The following TOGARAM2 variants were observed in gnomAD, a reference collection of about 807,000 sequenced individuals.
TOGARAM2 encodes TOG array regulator of axonemal microtubules protein 2.
TOGARAM2 carries 85 observed loss-of-function variants against 93.3 expected under a neutral mutation model. That is an observed-to-expected ratio of 0.91 (90% CI 0.76 to 1.09). The LOEUF is 1.09. Ranked by LOEUF, TOGARAM2 falls within the 50% of genes least tolerant of loss-of-function variation. The pLI is 0.00. For missense variants in TOGARAM2, 1,277 were observed against 1,334.5 expected (o/e 0.96, Z 0.67); for synonymous variants, 593 against 552.8 (o/e 1.07, Z -1.02).
chr2:29,035,632 G>A lies in TOGARAM2; in HGVS notation c.2394G>A (p.Glu798=). ...TGGAGCTCTGCAAGGCCAAGACGGA[G>A]CTTGTCACTGCCCACCTGGTCCAGG... ...QLLELCKAKT[E]LVTAHLVQVF... is the part of the protein sequence containing the mutation. The change falls in exon 17 of 20, where the codon GAG becomes GAA. Residue 798 remains glutamate, a synonymous_variant. Coordinates refer to ENST00000379558, the MANE Select transcript of TOGARAM2 (RefSeq NM_199280.4). The A allele has an allele frequency of 1.3e-6, 2 of 1,523,630 alleles. No homozygotes were observed. The highest frequency in any genetic ancestry group is 1.8e-6 in the Non-Finnish European group (2 of 1,132,850). 94.4% of individuals were successfully genotyped at this position (1,523,630 alleles called of 1,614,324 possible). A position where few individuals can be genotyped will look rare whatever the true frequency, so the allele number is the denominator to read the frequency against.
At chr2:29,045,926 G>T (rs1666716069) in intron 19 of TOGARAM2, 1 of 170,866 alleles carries the variant, frequency 5.9e-6, no homozygotes, top group Non-Finnish European at 1.3e-5. Context: ...GAGTACCTTT[G>T]TGTGAGTCAG....
chr2:29,009,736 G>T (rs952757598), intron 6 of TOGARAM2, among the ~76,000 whole-genome samples: 2 of 152,162 alleles, frequency 1.3e-5, no homozygotes, highest in African/African-American at 4.8e-5. Flanking sequence ...TTGGGTTGGA[G>T]CCGGGAGGGG....
intron 1 of TOGARAM2, among the ~76,000 whole-genome samples, chr2:28,983,694 T>A (rs1228132881): frequency 2.0e-5 from 3 of 152,168 alleles, no homozygotes; most frequent in Admixed American, 1.3e-4. Flanking sequence ...TGCTGAACAT[T>A]AGGTTTGTGC....
rs559308954 is a variant in TOGARAM2, at chr2:28,959,053, T to G, written c.-147+2356T>G. Among the ~76,000 whole-genome samples the G allele has an allele frequency of 5.2e-4, 79 of 152,304 alleles. 1 individual carries two copies. Among genetic ancestry groups the G allele is most frequent in the African/African-American group, 1.9e-3 (77 of 41,576 alleles). On this transcript the variant is annotated intron_variant, in intron 1 of 6. Transcript: ENST00000401723. ...GATGAGAGGGGCCTGGAGGGAATCC[T>G]GATGGGAGGAGATCGAGTCTCCAGG...
At chr2:29,006,483 CAT>C (rs914009775) in intron 6 of TOGARAM2, among the ~76,000 whole-genome samples, 1 of 151,638 alleles carries the variant, frequency 6.6e-6, no homozygotes, top group Non-Finnish European at 1.5e-5. Flanking sequence ...TGTGTGAGTG[CAT>C]GTGTGTGGAG....
chr2:28,994,874 C>A lies in TOGARAM2; in HGVS notation c.28+12C>A, dbSNP rs1487349184. 1.3e-6 allele frequency: 2 copies of A among 1,552,138 alleles called. No individual in the cohort carries two copies. Among genetic ancestry groups the A allele is most frequent in the Non-Finnish European group, 1.7e-6 (2 of 1,147,230 alleles). On this transcript the variant is annotated intron_variant, in intron 2 of 19. Coordinates refer to ENST00000379558, the MANE Select transcript of TOGARAM2 (RefSeq NM_199280.4). ...CGATGTCCCCGAAGGTAAGGGGCAC[C>A]ATGGGAGGCCTGCTGCTGGTGTTTT...
At chr2:28,970,742 A>G (rs1209074607) in intron 1 of TOGARAM2, among the ~76,000 whole-genome samples, 1 of 152,060 alleles carries the variant, frequency 6.6e-6, no homozygotes, top group Non-Finnish European at 1.5e-5. Flanking sequence ...TTGCTGTCAA[A>G]CTCTGTCCCC....
chr2:29,027,487 G>A (rs942683214), intron 14 of TOGARAM2, among the ~76,000 whole-genome samples: 12 of 152,064 alleles, frequency 7.9e-5, no homozygotes, highest in East Asian at 1.9e-4. Flanking sequence ...AAAATAGGCC[G>A]GATGTGGTTG....
At chr2:29,002,240 G>A (rs1224881557) in intron 4 of TOGARAM2, among the ~76,000 whole-genome samples, 1 of 152,132 alleles carries the variant, frequency 6.6e-6, no homozygotes, top group Non-Finnish European at 1.5e-5. Flanking sequence ...TTCTACCCAC[G>A]GCCAGGACCT....
chr2:28,974,330 G>A (rs1439600670), intron 1 of TOGARAM2, among the ~76,000 whole-genome samples: 1 of 151,984 alleles, frequency 6.6e-6, no homozygotes, highest in Non-Finnish European at 1.5e-5. Context: ...GTTTCACCAT[G>A]TTGGTCAGGC....
intron 6 of TOGARAM2, among the ~76,000 whole-genome samples, chr2:29,005,258 CAT>C (rs1673639104): frequency 7.2e-6 from 1 of 138,060 alleles, no homozygotes; most frequent in South Asian, 2.4e-4. Flanking sequence ...TGTGTGAGTG[CAT>C]GTGTGTGGAG....
At chr2:28,995,933 C>G (rs769307559) in intron 2 of TOGARAM2, among the ~76,000 whole-genome samples, 1 of 152,122 alleles carries the variant, frequency 6.6e-6, no homozygotes, top group Admixed American at 6.5e-5. Flanking sequence ...GTGGGACCCA[C>G]GTTTGTGAAG....
At chr2:28,961,381 A>G (rs955608583) in intron 1 of TOGARAM2, among the ~76,000 whole-genome samples, 1 of 152,238 alleles carries the variant, frequency 6.6e-6, no homozygotes, top group African/African-American at 2.4e-5. Context: ...TCACTCTGCC[A>G]CCCAGGCTGG....
intron 19 of TOGARAM2, chr2:29,048,704 A>C: frequency 8.1e-6 from 1 of 122,846 alleles, no homozygotes; most frequent in Admixed American, 9.4e-5. Flanking sequence ...TTTCAGAGAG[A>C]TTCTCGTTCT....
chr2:28,990,688 T>A (rs368838976), intron 1 of TOGARAM2, among the ~76,000 whole-genome samples: 3 of 152,132 alleles, frequency 2.0e-5, no homozygotes, highest in Non-Finnish European at 4.4e-5. Context: ...ATGGAGGGTA[T>A]CCCTGAGTGC....
chr2:29,010,584 C>T (rs558185743), intron 6 of TOGARAM2, among the ~76,000 whole-genome samples: 1 of 152,214 alleles, frequency 6.6e-6, no homozygotes, highest in East Asian at 1.9e-4. Flanking sequence ...TCCTCTGAGG[C>T]CAGTGTGTGG....
chr2:29,043,099 C>A (rs561549572), intron 18 of TOGARAM2, among the ~76,000 whole-genome samples: 3 of 152,200 alleles, frequency 2.0e-5, no homozygotes, highest in African/African-American at 7.2e-5. Flanking sequence ...CAAATAGAAA[C>A]ACCTGGAAAC....
intron 14 of TOGARAM2, among the ~76,000 whole-genome samples, chr2:29,029,815 G>A (rs1167428315): frequency 6.6e-6 from 1 of 151,824 alleles, no homozygotes; most frequent in Non-Finnish European, 1.5e-5. Context: ...AGTGGCAAGG[G>A]GGTGAGGGAT....
At chr2:28,965,605 T>A (rs1048474652) in intron 1 of TOGARAM2, among the ~76,000 whole-genome samples, 30 of 152,206 alleles carry the variant, frequency 2.0e-4, no homozygotes, top group Non-Finnish European at 3.7e-4. Context: ...TCTCAGCAGC[T>A]CTTTGCCTGG....
Sources: allele counts gnomAD v4.1 joint callset (sites outside exome capture counted in the v4.1 genomes callset), GRCh38; gene constraint gnomAD v4.1.1; transcripts MANE v1.5; gene names NCBI Gene and HGNC (gene_info 2026-07-23, HGNC 2026-07-21).